MDN1: variants seen among roughly 807,000 people sequenced by gnomAD.
The protein encoded by MDN1 is midasin AAA ATPase 1.
A neutral mutation model predicts 669.2 loss-of-function variants in MDN1; 266 were observed. That is an observed-to-expected ratio of 0.40 (90% CI 0.36 to 0.44). The LOEUF (loss-of-function observed/expected upper bound fraction) is 0.44, where lower values mean the gene tolerates loss of function less well. Ranked by LOEUF, MDN1 falls within the 20% of genes least tolerant of loss-of-function variation. The pLI, the probability that MDN1 is intolerant of heterozygous loss-of-function variation, is 1.00. For synonymous variants in MDN1, 2,385 were observed against 2,457.1 expected (o/e 0.97, Z 0.87); for missense variants, 5,940 against 6,754.0 (o/e 0.88, Z 4.22).
chr6:89,694,998 C>T (rs1812636874), intron 61 of MDN1, among the ~76,000 whole-genome samples: 1 of 152,164 alleles, frequency 6.6e-6, no homozygotes, highest in African/African-American at 2.4e-5. Context: ...CTTTGGGAGG[C>T]CAAGGCGGGT....
chr6:89,704,420 GTA>G (rs1018111445), intron 53 of MDN1, among the ~76,000 whole-genome samples: 1 of 152,206 alleles, frequency 6.6e-6, no homozygotes, highest in African/African-American at 2.4e-5. Flanking sequence ...TGACTTCCTG[GTA>G]ACGATTTTTC....
chr6:89,678,508 GTCTATGGAAT>G, intron 75 of MDN1, 81 bp downstream of exon 75: 1 of 1,459,336 alleles, frequency 6.9e-7, no homozygotes, highest in Non-Finnish European at 9.4e-7. Context: ...CATCTCAACT[GTCTATGGAAT>G]TTCCCCCAAA....
chr6:89,648,178 T>C (rs1447827029), intron 98 of MDN1, 32 bp from the exon 99 acceptor site: 7 of 1,607,588 alleles, frequency 4.4e-6, no homozygotes, highest in Non-Finnish European at 1.7e-6. Context: ...ACAACAGGAG[T>C]TATTTTTTGG....
chr6:89,796,187 G>C (rs961158300), intron 2 of MDN1, among the ~76,000 whole-genome samples: 1 of 151,344 alleles, frequency 6.6e-6, no homozygotes, highest in African/African-American at 2.4e-5. Context: ...AGCCAGGTGT[G>C]GTGGTGCATG....
intron 35 of MDN1, among the ~76,000 whole-genome samples, chr6:89,729,362 C>A (rs578177312): frequency 1.3e-5 from 2 of 152,222 alleles, no homozygotes; most frequent in African/African-American, 4.8e-5. Context: ...GTGCCTACTA[C>A]ACAGATCTCT....
At chr6:89,795,910 G>A (rs990525719) in intron 2 of MDN1, among the ~76,000 whole-genome samples, 1 of 152,026 alleles carries the variant, frequency 6.6e-6, no homozygotes, top group Non-Finnish European at 1.5e-5. Flanking sequence ...AGCCGAGATC[G>A]CACCACTGCT....
At chr6:89,760,694 G>GAC (rs1462830849) in intron 17 of MDN1, among the ~76,000 whole-genome samples, 2 of 152,082 alleles carry the variant, frequency 1.3e-5, no homozygotes. Flanking sequence ...CATTTGCTAT[G>GAC]ACATAAATAG....
chr6:89,675,247 T>G, intron 78 of MDN1: 1 of 542,054 alleles, frequency 1.8e-6, no homozygotes, highest in Non-Finnish European at 3.3e-6. Context: ...CTCCATATTC[T>G]CAGGAGGTTC....
intron 32 of MDN1, 80 bp from the exon 33 acceptor site, chr6:89,738,535 T>A (rs1816122754): frequency 6.6e-7 from 1 of 1,512,788 alleles, no homozygotes; most frequent in Non-Finnish European, 9.1e-7. Flanking sequence ...AGAATGTTGT[T>A]AGCTGTTAAG....
Position 89,753,587 on chromosome 6 carries a change from CCT to C in MDN1, c.2998_2999del (p.Arg1000GlyfsTer39). 6.2e-7 allele frequency: 1 copy of C among 1,613,756 alleles called. No individual in the cohort carries two copies. Among genetic ancestry groups the C allele is most frequent in the Non-Finnish European group, 8.5e-7 (1 of 1,179,720 alleles). ...FCLGFLTQLD[R>X]ASHPIVQKLI... ...GCTTCTGAACTATTGGGTGTGATGCCCTGTCAAGCTGTGTTAAGAAACCCAAA... is the reference window on the plus strand; with the variant it reads ...GCTTCTGAACTATTGGGTGTGATGCCGTCAAGCTGTGTTAAGAAACCCAAA... On this transcript the variant is annotated frameshift_variant, in exon 22 of 102. Transcript: ENST00000369393. LOFTEE classifies it high-confidence loss of function.
intron 2 of MDN1, 53 bp from the exon 3 acceptor site, chr6:89,794,854 T>A: frequency 6.8e-7 from 1 of 1,471,424 alleles, no homozygotes; most frequent in African/African-American, 1.4e-5. Context: ...TTGGACTTAA[T>A]TTTTCTGCTT....
intron 11 of MDN1, among the ~76,000 whole-genome samples, chr6:89,778,935 A>AAATAAATAAATAAAT (rs1554196786): frequency 3.2e-5 from 4 of 126,698 alleles, no homozygotes; most frequent in Non-Finnish European, 6.5e-5. Context: ...AATAAATAAA[A>AAATAAATAAATAAAT]AAAAAGGTAT....
chr6:89,645,129 A>G lies in MDN1; in HGVS notation c.16488T>C (p.Ser5496=), dbSNP rs756109308. 12 of 1,609,790 alleles carry G rather than the reference A, an allele frequency of 7.5e-6. No individual in the cohort carries two copies. In the African/African-American group the frequency reaches 1.3e-4, roughly 18 times the overall value. The change falls in exon 101 of 102, where the codon TCT becomes TCC. Residue 5496 remains serine (S), a synonymous_variant. Transcript: ENST00000369393. Reference sequence around the variant, plus strand: ...CCTCAAGGAAAAGGCCTCGCCCATCAGAGACTACCAGGAGGAGTTGTGCAG... The same window carrying G: ...CCTCAAGGAAAAGGCCTCGCCCATCGGAGACTACCAGGAGGAGTTGTGCAG... ...SETAQLLLVV[S]DGRGLFLEGK... is the part of the protein sequence containing the mutation.
At chr6:89,681,885 C>G (rs1319270513) in intron 73 of MDN1, among the ~76,000 whole-genome samples, 1 of 152,082 alleles carries the variant, frequency 6.6e-6, no homozygotes, top group Non-Finnish European at 1.5e-5. Context: ...CTCCTGGGCT[C>G]AAGTGATCCT....
At chr6:89,720,789 G>A (rs141821187) in intron 40 of MDN1, among the ~76,000 whole-genome samples, 6 of 152,266 alleles carry the variant, frequency 3.9e-5, no homozygotes, top group South Asian at 2.1e-4. Context: ...AGTCACCTAC[G>A]TATGATAAAT....
intron 59 of MDN1, 121 bp downstream of exon 59, chr6:89,698,744 A>G (rs1025692796): frequency 2.5e-5 from 22 of 873,384 alleles, no homozygotes; most frequent in Non-Finnish European, 3.6e-5. Context: ...TGCAGAAAGT[A>G]AAGTGTTGCA....
chr6:89,690,514 C>A (rs887664801), intron 64 of MDN1, among the ~76,000 whole-genome samples, 159 bp downstream of exon 64: 7 of 152,016 alleles, frequency 4.6e-5, no homozygotes, highest in Non-Finnish European at 1.0e-4. Flanking sequence ...GCTATGATTG[C>A]GCCACTGCAC....
intron 24 of MDN1, 59 bp from the exon 25 acceptor site, chr6:89,749,810 A>G: frequency 2.3e-6 from 3 of 1,297,454 alleles, no homozygotes; most frequent in Non-Finnish European, 3.3e-6. Context: ...TTTAAAATGC[A>G]TTATGTACAA....
chr6:89,645,446 C>T (rs1350333600), intron 100 of MDN1, among the ~76,000 whole-genome samples: 1 of 152,162 alleles, frequency 6.6e-6, no homozygotes, highest in Non-Finnish European at 1.5e-5. Flanking sequence ...TTCTGCTCAA[C>T]TTCAAATTGT....
Sources: allele counts gnomAD v4.1 joint callset (sites outside exome capture counted in the v4.1 genomes callset), GRCh38; gene constraint gnomAD v4.1.1; transcripts MANE v1.5; gene names NCBI Gene and HGNC (gene_info 2026-07-23, HGNC 2026-07-21).